ARHGEF9: variants seen among roughly 807,000 people sequenced by gnomAD.
ARHGEF9 encodes the protein Cdc42 guanine nucleotide exchange factor 9, also known as rho guanine nucleotide exchange factor 9.
Under a neutral mutation model 41.3 loss-of-function variants are expected in ARHGEF9, and 2 were observed. The observed-to-expected ratio is 0.05, with a 90% CI of 0.02 to 0.15. The LOEUF (loss-of-function observed/expected upper bound fraction) is 0.15, where lower values mean the gene tolerates loss of function less well. Among genes scored for constraint, ARHGEF9 ranks in the 10% least tolerant of loss-of-function variants. ARHGEF9 has a pLI of 1.00. For missense variants in ARHGEF9, 225 were observed against 424.7 expected (o/e 0.53, Z 4.13); for synonymous variants, 160 against 154.4 (o/e 1.04, Z -0.27).
rs1319408288 is a variant in ARHGEF9 at position 63,673,912 on chromosome X, G to T, written c.945+126C>A. On this transcript the variant is annotated intron_variant, in intron 6 of 9. Coordinates refer to ENST00000671741, the MANE Select transcript of ARHGEF9 (RefSeq NM_001353921.2). Reference sequence around the variant, plus strand: ...TCTCATTAGCAAGAAATTTTACCTTGAGTCTAATCTAAATCCTTACTGTTG... The same window carrying T: ...TCTCATTAGCAAGAAATTTTACCTTTAGTCTAATCTAAATCCTTACTGTTG... The T allele has an allele frequency of 5.6e-6, 5 of 886,237 alleles. No homozygotes were observed. In the Admixed American group the frequency reaches 1.1e-4, roughly 20 times the overall value. 73.0% of individuals were successfully genotyped at this position (886,237 alleles called of 1,213,427 possible).
chrX:63,677,760 C>T (rs782759342), intron 5 of ARHGEF9, among the ~76,000 whole-genome samples: 4 of 111,678 alleles, frequency 3.6e-5, no homozygotes, highest in East Asian at 2.8e-4. Context: ...AAATCCCAGG[C>T]GAATGTCCTA....
chrX:63,652,088 C>T (rs1363624259), intron 8 of ARHGEF9, among the ~76,000 whole-genome samples: 1 of 111,443 alleles, frequency 9.0e-6, no homozygotes, highest in Non-Finnish European at 1.9e-5. Flanking sequence ...TAAAACTGTT[C>T]ACATCCTAAC....
intron 7 of ARHGEF9, among the ~76,000 whole-genome samples, chrX:63,660,104 C>T (rs2049125226): frequency 1.8e-5 from 2 of 112,059 alleles, no homozygotes; most frequent in South Asian, 7.5e-4. Context: ...ATGTTCACTG[C>T]AGCACTTTTC....
At chrX:63,780,960 T>C (rs1367202817) in intron 1 of ARHGEF9, among the ~76,000 whole-genome samples, 1 of 111,732 alleles carries the variant, frequency 8.9e-6, no homozygotes, top group Non-Finnish European at 1.9e-5. Context: ...AATAATAACA[T>C]AGTGATTATA....
At chrX:63,780,636 CA>C (rs1556461520) in intron 1 of ARHGEF9, among the ~76,000 whole-genome samples, 4 of 112,094 alleles carry the variant, frequency 3.6e-5, no homozygotes, top group Non-Finnish European at 7.5e-5. Flanking sequence ...ACAACAAAAA[CA>C]AAACAAAACA....
At chrX:63,754,848 G>A in intron 1 of ARHGEF9, 1 of 940,408 alleles carries the variant, frequency 1.1e-6, no homozygotes, top group Non-Finnish European at 1.3e-6. Flanking sequence ...GAAGTCGGCA[G>A]AGTCCAGCAT....
chrX:63,720,257 G>C (rs1394069911), intron 2 of ARHGEF9, among the ~76,000 whole-genome samples: 1 of 111,900 alleles, frequency 8.9e-6, no homozygotes, highest in Non-Finnish European at 1.9e-5. Flanking sequence ...GATGTTTAAA[G>C]AAATGTCAGG....
chrX:63,650,796 G>A (rs1488005935), intron 8 of ARHGEF9, among the ~76,000 whole-genome samples: 1 of 109,728 alleles, frequency 9.1e-6, no homozygotes, highest in Non-Finnish European at 1.9e-5. Context: ...ACATAAAAAA[G>A]ATCAATACTC....
At chrX:63,645,812 C>G (rs1370284823) in intron 8 of ARHGEF9, among the ~76,000 whole-genome samples, 1 of 111,937 alleles carries the variant, frequency 8.9e-6, no homozygotes, top group African/African-American at 3.3e-5. Flanking sequence ...ACACTGACTT[C>G]CACAATGGTT....
intron 1 of ARHGEF9, among the ~76,000 whole-genome samples, chrX:63,740,835 C>T (rs1556425914): frequency 9.0e-6 from 1 of 111,473 alleles, no homozygotes; most frequent in Non-Finnish European, 1.9e-5. Flanking sequence ...ACCTGGTTTC[C>T]AGCTTGAGGA....
intron 8 of ARHGEF9, among the ~76,000 whole-genome samples, chrX:63,644,762 A>AT (rs782795423): frequency 3.0e-3 from 294 of 98,303 alleles, no homozygotes; most frequent in Middle Eastern, 0.011. Context: ...TATTATTATT[A>AT]TTTTTTTTTT....
At chrX:63,728,399 G>A (rs1556418342) in intron 1 of ARHGEF9, among the ~76,000 whole-genome samples, 1 of 111,917 alleles carries the variant, frequency 8.9e-6, no homozygotes. Context: ...GGGTTTCCAG[G>A]TACCAACAAT....
intron 2 of ARHGEF9, among the ~76,000 whole-genome samples, chrX:63,723,871 A>G (rs1407034912): frequency 3.6e-5 from 4 of 112,404 alleles, no homozygotes; most frequent in Non-Finnish European, 5.6e-5. Context: ...GTACAATGTC[A>G]AAGAGGCAGA....
chrX:63,690,193 C>T (rs1463533243), intron 4 of ARHGEF9, among the ~76,000 whole-genome samples: 2 of 110,161 alleles, frequency 1.8e-5, no homozygotes, highest in Non-Finnish European at 3.8e-5. Context: ...TACAAAAGAT[C>T]AATGAAATGA....
rs2047352890 is a variant in ARHGEF9 at position 63,637,223 on chromosome X, TGTTCCCTGAACAGAA to T, written c.*790_*804del. On this transcript the variant is annotated 3_prime_UTR_variant, in exon 10 of 10. Transcript: ENST00000671741. ...TAGAAGAAACAGCCTGAATGCAAAA[TGTTCCCTGAACAGAA>T]GTCCACTCCAGCATCATCATAGTCT... is the stretch of plus-strand genomic sequence containing the variant. 1 of 296,010 alleles carries T rather than the reference TGTTCCCTGAACAGAA, an allele frequency of 3.4e-6. No individual in the cohort carries two copies. Among genetic ancestry groups the T allele is most frequent in the Admixed American group, 6.2e-5 (1 of 16,211 alleles). The allele number at this position is 296,010 out of a possible 1,213,427, so 24.4% of individuals were successfully genotyped here.
At chrX:63,731,971 C>A (rs1365700229) in intron 1 of ARHGEF9, 1 of 111,626 alleles carries the variant, frequency 9.0e-6, no homozygotes, top group Non-Finnish European at 1.9e-5. Context: ...CTGCAAAGGA[C>A]GGGGATGTCA....
At chrX:63,722,877 G>C (rs1424067046) in intron 2 of ARHGEF9, 25 of 111,584 alleles carry the variant, frequency 2.2e-4, no homozygotes, top group African/African-American at 7.5e-4. Context: ...ATGGGACACA[G>C]ATGGCATTTG....
chrX:63,755,905 T>A, intron 1 of ARHGEF9: 1 of 737,664 alleles, frequency 1.4e-6, no homozygotes, highest in Non-Finnish European at 1.6e-6. Flanking sequence ...TCCAGCATTC[T>A]GGGTACTATG....
intron 4 of ARHGEF9, among the ~76,000 whole-genome samples, chrX:63,690,108 A>G (rs1569471694): frequency 8.9e-6 from 1 of 111,841 alleles, no homozygotes. Flanking sequence ...GCAAGAACAA[A>G]CCAAACCCAA....
Sources: allele counts gnomAD v4.1 joint callset (sites outside exome capture counted in the v4.1 genomes callset), GRCh38; gene constraint gnomAD v4.1.1; transcripts MANE v1.5; gene names NCBI Gene and HGNC (gene_info 2026-07-23, HGNC 2026-07-21).